Variants in GAREM1 observed in about 807,000 individuals in gnomAD.
The protein encoded by GAREM1 is GRB2 associated regulator of MAPK1 subtype 1.
In GAREM1, 26 loss-of-function variants were observed where a neutral mutation model predicts 71.3. The ratio of observed to expected loss-of-function variants is 0.36; its 90% CI spans 0.27 to 0.51. The LOEUF (loss-of-function observed/expected upper bound fraction) is 0.51. Ranked by LOEUF, GAREM1 falls within the 20% of genes least tolerant of loss-of-function variation. GAREM1 has a pLI of 0.95. For missense variants in GAREM1, 1,026 were observed against 1,103.1 expected (o/e 0.93, Z 0.99); for synonymous variants, 440 against 433.2 (o/e 1.02, Z -0.20).
chr18:32,424,139 C>T (rs555560243), intron 1 of GAREM1, among the ~76,000 whole-genome samples: 5 of 151,382 alleles, frequency 3.3e-5, no homozygotes, highest in Non-Finnish European at 7.4e-5. Flanking sequence ...CCCATCTCCC[C>T]ACCAGCCAGA....
chr18:32,386,071 C>T (rs2048144714), intron 2 of GAREM1, among the ~76,000 whole-genome samples: 1 of 152,100 alleles, frequency 6.6e-6, no homozygotes, highest in Non-Finnish European at 1.5e-5. Context: ...TGTTCCTCAG[C>T]ATACTTTATT....
chr18:32,370,639 G>A (rs757709216), intron 2 of GAREM1, among the ~76,000 whole-genome samples: 29 of 152,238 alleles, frequency 1.9e-4, no homozygotes, highest in Non-Finnish European at 2.9e-4. Context: ...AATATGGCGT[G>A]TGCCCCTCCA....
intron 2 of GAREM1, among the ~76,000 whole-genome samples, chr18:32,386,690 C>G (rs2048149824): frequency 6.6e-6 from 1 of 152,242 alleles, no homozygotes; most frequent in Non-Finnish European, 1.5e-5. Flanking sequence ...TAAACCCACT[C>G]AGAATTCCAT....
intron 2 of GAREM1, among the ~76,000 whole-genome samples, chr18:32,334,872 C>A (rs1236352278): frequency 1.3e-5 from 2 of 152,098 alleles, no homozygotes; most frequent in East Asian, 1.9e-4. Flanking sequence ...TATGTGGGCA[C>A]CCTCAGGAGA....
chr18:32,318,274 G>A (rs540537051), intron 2 of GAREM1, among the ~76,000 whole-genome samples: 6 of 152,120 alleles, frequency 3.9e-5, no homozygotes, highest in East Asian at 1.9e-4. Flanking sequence ...TGAAATAACC[G>A]TCATCTAGAA....
At position 32,266,451 on chromosome 18, in the gene GAREM1, T is replaced by G. The variant is rs1288345509; in HGVS notation, c.*1420A>C. Reference sequence around the variant, plus strand: ...TGGAATCTGGGGCCAGACTCTCAGGTGCAGGGGAGTAGATGATGCCTTGCT... The same window carrying G: ...TGGAATCTGGGGCCAGACTCTCAGGGGCAGGGGAGTAGATGATGCCTTGCT... On this transcript the variant is annotated 3_prime_UTR_variant, in exon 6 of 6. Coordinates refer to ENST00000269209, the MANE Select transcript of GAREM1 (RefSeq NM_001242409.2). 1.3e-5 allele frequency: 2 copies of G among 152,166 alleles called. No homozygotes were observed. The highest frequency in any genetic ancestry group is 2.9e-5 in the Non-Finnish European group (2 of 68,040). The allele number at this position is 152,166 out of a possible 1,614,324, so 9.4% of individuals were successfully genotyped here.
chr18:32,444,308 A>G (rs1357133737), intron 1 of GAREM1, among the ~76,000 whole-genome samples: 4 of 152,202 alleles, frequency 2.6e-5, no homozygotes, highest in Non-Finnish European at 5.9e-5. Flanking sequence ...AATGTTTTTA[A>G]AAGTAATTTA....
At chr18:32,377,324 C>T (rs1380020620) in intron 2 of GAREM1, among the ~76,000 whole-genome samples, 1 of 152,168 alleles carries the variant, frequency 6.6e-6, no homozygotes, top group African/African-American at 2.4e-5. Context: ...GAGTCTCCGC[C>T]AGGCATCACA....
chr18:32,389,130 G>A lies in GAREM1; in HGVS notation c.262+3765C>T, dbSNP rs187525413. 7.2e-3 allele frequency among the ~76,000 whole-genome samples: 1,096 copies of A among 152,172 alleles called. 4 individuals carry two copies. Among genetic ancestry groups the A allele is most frequent in the Admixed American group, 0.014 (219 of 15,276 alleles). ...ATGATACTAAAAATGGGTAAAACCGGGGAAATGGCACAAGGGAGTAAACTA... is the reference window on the plus strand; with the variant it reads ...ATGATACTAAAAATGGGTAAAACCGAGGAAATGGCACAAGGGAGTAAACTA... On this transcript the variant is annotated intron_variant, in intron 2 of 5. Coordinates refer to ENST00000269209, the MANE Select transcript of GAREM1 (RefSeq NM_001242409.2).
chr18:32,460,555 G>A (rs1281002137), intron 1 of GAREM1, among the ~76,000 whole-genome samples: 2 of 152,132 alleles, frequency 1.3e-5, no homozygotes, highest in Admixed American at 6.5e-5. Flanking sequence ...TAATGCTCCC[G>A]CACAGCATAA....
chr18:32,425,969 A>G (rs1352149012), intron 1 of GAREM1, among the ~76,000 whole-genome samples: 2 of 151,726 alleles, frequency 1.3e-5, no homozygotes, highest in African/African-American at 4.8e-5. Context: ...GCCTTTGACT[A>G]TTTCTACTAC....
chr18:32,468,960 T>TCCCCCCCCCCCCCCCCCCCC (rs34977174), intron 1 of GAREM1, among the ~76,000 whole-genome samples: 20 of 82,160 alleles, frequency 2.4e-4, no homozygotes, highest in Non-Finnish European at 3.8e-4. Flanking sequence ...CACCTGTGCG[T>TCCCCCCCCCCCCCCCCCCCC]CCCCCCCCCC....
rs190259253 is a variant in GAREM1 at position 32,348,304 on chromosome 18, T to C, written c.263-37981A>G. On this transcript the variant is annotated intron_variant, in intron 2 of 5. Transcript: ENST00000269209. ...TTTGGCTGGCACCCATCTCAAGTTC[T>C]ATTATTTTGAGTGAATCAAAACTTG... is the stretch of plus-strand genomic sequence containing the variant. Among the ~76,000 whole-genome samples the C allele has an allele frequency of 5.3e-5, 8 of 152,354 alleles. No homozygotes were observed. The East Asian group carries it at 1.5e-3, about 29-fold the overall frequency.
intron 1 of GAREM1, among the ~76,000 whole-genome samples, chr18:32,398,008 A>T (rs1039269693): frequency 3.3e-5 from 5 of 152,184 alleles, no homozygotes; most frequent in African/African-American, 1.2e-4. Context: ...GGATTAAGAA[A>T]CTCACTCAAA....
chr18:32,439,166 G>C (rs190192111), intron 1 of GAREM1, among the ~76,000 whole-genome samples: 2 of 152,148 alleles, frequency 1.3e-5, no homozygotes, highest in East Asian at 3.8e-4. Flanking sequence ...CACCAAGACC[G>C]AGGCTCTGAA....
At position 32,419,471 on chromosome 18, in the gene GAREM1, G is replaced by A. The variant is rs748036499; in HGVS notation, c.122-26436C>T. 1.5e-3 allele frequency among the ~76,000 whole-genome samples: 225 copies of A among 152,114 alleles called. 2 individuals carry two copies. The highest frequency in any genetic ancestry group is 2.6e-3 in the Non-Finnish European group (174 of 68,018). On this transcript the variant is annotated intron_variant, in intron 1 of 5. Coordinates refer to ENST00000269209, the MANE Select transcript of GAREM1 (RefSeq NM_001242409.2). ...ACCTCTCTCATTCTCTTCCTGCCAC[G>A]TGAGGATTCAAGGAGGTTGGCAGCC... is the stretch of plus-strand genomic sequence containing the variant.
intron 1 of GAREM1, among the ~76,000 whole-genome samples, chr18:32,447,783 C>T (rs1358410933): frequency 5.3e-5 from 8 of 152,056 alleles, no homozygotes; most frequent in African/African-American, 1.9e-4. Flanking sequence ...TAGGCATGTT[C>T]ACAAAATTGG....
chr18:32,314,643 C>T (rs1239890239), intron 2 of GAREM1, among the ~76,000 whole-genome samples: 2 of 150,576 alleles, frequency 1.3e-5, no homozygotes, highest in Non-Finnish European at 2.9e-5. Flanking sequence ...GGCTGGAGTG[C>T]AATGCTGCGA....
intron 1 of GAREM1, among the ~76,000 whole-genome samples, chr18:32,398,000 A>T (rs1373958053): frequency 1.3e-5 from 2 of 152,248 alleles, no homozygotes; most frequent in Non-Finnish European, 2.9e-5. Context: ...AGAACTCAGG[A>T]TTAAGAAACT....
Sources: gnomAD v4.1 joint callset for allele counts (sites outside exome capture counted in the v4.1 genomes callset) on GRCh38, gnomAD v4.1.1 for gene constraint, MANE v1.5 for transcripts, NCBI Gene and HGNC (gene_info 2026-07-23, HGNC 2026-07-21) for gene names.